Variants in MYH7 observed in about 807,000 individuals in gnomAD.
MYH7 encodes the protein myosin heavy chain 7.
A neutral mutation model predicts 225.4 loss-of-function variants in MYH7; 129 were observed. That is an observed-to-expected ratio of 0.57 (90% confidence interval 0.50 to 0.66). The LOEUF (loss-of-function observed/expected upper bound fraction) is 0.66. Ranked by LOEUF, MYH7 falls within the 30% of genes least tolerant of loss-of-function variation. The pLI is 0.00. For synonymous variants in MYH7, 971 were observed against 1,007.6 expected, an observed-to-expected ratio of 0.96 and a Z score of 0.69; for missense variants, 1,649 against 2,517.0, an observed-to-expected ratio of 0.66 and a Z score of 7.38.
In MYH7 at chr14:23,433,443, G is replaced by T; in HGVS notation, c.201+89C>A. 1 of 1,500,674 alleles carries T rather than the reference G, an allele frequency of 6.7e-7. No homozygotes were observed. The highest frequency in any genetic ancestry group is 9.2e-7 in the Non-Finnish European group (1 of 1,085,632). The allele number at this position is 1,500,674 out of a possible 1,614,324, so 93.0% of individuals were successfully genotyped here. On this transcript the variant is annotated intron_variant, in intron 3 of 39. Transcript: ENST00000355349. This position sits in a 1 kb window ranked among gnomAD's most constrained non-coding sequence, Gnocchi z 4.1. ...GGAGAATGGGACCATCCTCAGGTCT[G>T]CATGGGCATGGGGCATGGGTGTACC...
rs1206242158 is a variant in MYH7, at chr14:23,427,709, G to T, written c.1764C>A (p.Tyr588Ter). 1.2e-6 allele frequency: 2 copies of T among 1,614,228 alleles called. No homozygotes were observed. The highest frequency in any genetic ancestry group is 1.7e-5 in the Admixed American group (1 of 60,020). The change falls in exon 16 of 40, where the codon TAC becomes TAA. Residue 588 changes from tyrosine (Y) to a stop codon, truncating the protein, a stop_gained. Transcript: ENST00000355349. LOFTEE classifies it high-confidence loss of function. Reference protein sequence around the residue: ...SLIHYAGIVDYNIIGWLQKNK... With the variant: ...SLIHYAGIVD The stretch of plus-strand genomic sequence containing the variant: ...TCTTCTGCAGCCAGCCAATGATGTT[G>T]TAGTCCACGATGCCGGCATAGTGGA...
rs1436990490 is a variant in MYH7 at position 23,418,335 on chromosome 14, C to T, written c.4044G>A (p.Glu1348=). 1.5e-5 allele frequency: 25 copies of T among 1,613,850 alleles called. No homozygotes were observed. Among genetic ancestry groups the T allele is most frequent in the Non-Finnish European group, 1.9e-5 (23 of 1,180,056 alleles). The change falls in exon 30 of 40, where the codon GAG becomes GAA. Residue 1348 remains glutamate (E), a synonymous_variant. Coordinates refer to ENST00000355349, the MANE Select transcript of MYH7 (RefSeq NM_000257.4). ...HDCDLLREQY[E]EETEAKAELQ... ...GCTCGGCCTTGGCCTCCGTCTCCTCCTCGTACTGCTCCCGCAGCAGGTCGC... is the reference window on the plus strand; with the variant it reads ...GCTCGGCCTTGGCCTCCGTCTCCTCTTCGTACTGCTCCCGCAGCAGGTCGC...
In MYH7 at chr14:23,417,631, C is replaced by T. The variant is rs1381835227; in HGVS notation, c.4225G>A (p.Ala1409Thr). 1 of 1,613,028 alleles carries T rather than the reference C, an allele frequency of 6.2e-7. No homozygotes were observed. ...GTCTTCTCCAGCGAGGAGCACTTGG[C>T]ATTAACAGCCTCCACGGCCTCCTCA... ...EAEEAVEAVNAKCSSLEKTKH... is the reference protein window; with the variant it reads ...EAEEAVEAVNTKCSSLEKTKH... The change falls in exon 31 of 40, where the codon GCC becomes ACC. Residue 1409 changes from alanine to threonine, a missense_variant. Ala to Thr is a moderately conservative substitution (Grantham distance 58). Coordinates refer to ENST00000355349, the MANE Select transcript of MYH7 (RefSeq NM_000257.4).
chr14:23,417,398 T>C, intron 31 of MYH7, 80 bp from the exon 32 acceptor site: 1 of 1,611,638 alleles, frequency 6.2e-7, no homozygotes, highest in Non-Finnish European at 8.5e-7. Flanking sequence ...CTGCCTGGGC[T>C]CAGCCCTCCT....
At position 23,433,093 on chromosome 14, in the gene MYH7, C is replaced by T. The variant is rs1431719401; in HGVS notation, c.336G>A (p.Trp112Ter). ...LYNLKDRYGSWMIYTYSGLFC... is the reference protein window; with the variant it reads ...LYNLKDRYGS Reference sequence around the variant, plus strand: ...CAGGTGCAGCACTCACGTAGATCATCCAGGAGCCGTAGCGATCCTTGAGGT... The same window carrying T: ...CAGGTGCAGCACTCACGTAGATCATTCAGGAGCCGTAGCGATCCTTGAGGT... The change falls in exon 4 of 40, where the codon TGG (tryptophan) becomes TGA (stop). Residue 112 changes from tryptophan to a stop codon, truncating the protein, a stop_gained. Coordinates refer to ENST00000355349, the MANE Select transcript of MYH7 (RefSeq NM_000257.4). LOFTEE classifies it high-confidence loss of function. This position sits in a 1 kb window ranked among gnomAD's most constrained non-coding sequence, Gnocchi z 4.1. 4 of 1,614,110 alleles carry T rather than the reference C, an allele frequency of 2.5e-6. No individual in the cohort carries two copies. In the South Asian group the frequency reaches 4.4e-5, roughly 18 times the overall value.
rs1465065232 is a variant in MYH7 at position 23,426,804 on chromosome 14, T to C, written c.2017A>G (p.Ile673Val). ...RSTHPHFVRC[I>V]IPNETKSPGV... ...GGAGACTTTGTCTCATTAGGGATGA[T>C]ACAACGTACAAAGTGGGGATGGGTG... Residue 673 changes from isoleucine (I) to valine (V), a missense_variant, in exon 18 of 40, where the codon ATC (isoleucine) becomes GTC (valine). Around this residue, in one of 12 missense-constraint regions of MYH7, gnomAD observed 112 missense variants for 161.9 expected, o/e 0.69. Coordinates refer to ENST00000355349, the MANE Select transcript of MYH7 (RefSeq NM_000257.4). 3 of 1,614,132 alleles carry C rather than the reference T, an allele frequency of 1.9e-6. No individual in the cohort carries two copies. Among genetic ancestry groups the C allele is most frequent in the Non-Finnish European group, 2.5e-6 (3 of 1,180,028 alleles).
intron 37 of MYH7, 43 bp downstream of exon 37, chr14:23,414,952 G>A: frequency 1.2e-6 from 2 of 1,601,766 alleles, no homozygotes; most frequent in Admixed American, 1.7e-5. Context: ...TGTCACTGTG[G>A]CTATGGTGCC....
At chr14:23,432,595 C>A in intron 5 of MYH7, 44 bp downstream of exon 5, 2 of 1,614,186 alleles carry the variant, frequency 1.2e-6, no homozygotes, top group South Asian at 1.1e-5. Flanking sequence ...TCCCTCCCGG[C>A]CTATCCCAGT....
chr14:23,432,575 C>T, intron 5 of MYH7, 64 bp downstream of exon 5: 2 of 1,614,172 alleles, frequency 1.2e-6, no homozygotes, highest in Non-Finnish European at 1.7e-6. Context: ...TTCTCCCTTC[C>T]TTCTCCCTCT....
chr14:23,426,892 G>A, intron 17 of MYH7, 28 bp from the exon 18 acceptor site: 1 of 1,588,194 alleles, frequency 6.3e-7, no homozygotes, highest in Non-Finnish European at 8.6e-7. Context: ...ATAGAGAAAA[G>A]TAAAGAAAAT....
chr14:23,423,833 A>G, intron 23 of MYH7, 74 bp downstream of exon 23: 3 of 1,613,614 alleles, frequency 1.9e-6, no homozygotes, highest in Non-Finnish European at 2.5e-6. Context: ...CCGAGTGGCT[A>G]GCCTGGGTCA....
chr14:23,432,132 G>A (rs1595090018), intron 6 of MYH7, among the ~76,000 whole-genome samples: 3 of 152,186 alleles, frequency 2.0e-5, no homozygotes, highest in Non-Finnish European at 2.9e-5. Flanking sequence ...GATGGGCCTG[G>A]GCTGTTTTGG....
intron 1 of MYH7, 151 bp from the exon 2 acceptor site, chr14:23,434,400 TG>T (rs2138688544): frequency 2.8e-6 from 1 of 352,676 alleles, no homozygotes; most frequent in South Asian, 1.2e-4. Flanking sequence ...CCATCCTTCT[TG>T]TTTTTCAAAC....
At chr14:23,421,711 AC>A in intron 25 of MYH7, 8 of 981,022 alleles carry the variant, frequency 8.2e-6, no homozygotes, top group Middle Eastern at 5.2e-4. Context: ...AAGAACTTAC[AC>A]TAAGAATTGG....
At chr14:23,434,553 G>A (rs1893073256) in intron 1 of MYH7, among the ~76,000 whole-genome samples, 1 of 152,178 alleles carries the variant, frequency 6.6e-6, no homozygotes, top group South Asian at 2.1e-4. Context: ...AGCCATCTGA[G>A]AGACAACTAA....
Position 23,431,569 on chromosome 14 carries a change from G to A in MYH7, c.732+16C>T, listed in dbSNP as rs1892941256. ...CACCAGTCCAAGTCCCAAGGCCAAG[G>A]TCAGGGACCACTCACGAAGCGGGAG... On this transcript the variant is annotated intron_variant, in intron 8 of 39. Transcript: ENST00000355349. The A allele has an allele frequency of 6.2e-7, 1 of 1,614,082 alleles. No homozygotes were observed. Among genetic ancestry groups the A allele is most frequent in the Non-Finnish European group, 8.5e-7 (1 of 1,180,002 alleles).
At position 23,419,244 on chromosome 14, in the gene MYH7, G is replaced by A. The variant is rs1892362089; in HGVS notation, c.3905C>T (p.Thr1302Ile). 1.2e-6 allele frequency: 2 copies of A among 1,614,138 alleles called. No homozygotes were observed. The highest frequency in any genetic ancestry group is 1.7e-6 in the Non-Finnish European group (2 of 1,180,040). ...CTGGGTGTAGGTGAGCTTGCCTCGGGTCAGCTGGGAGATCAGTGCCTCCTT... is the reference window on the plus strand; with the variant it reads ...CTGGGTGTAGGTGAGCTTGCCTCGGATCAGCTGGGAGATCAGTGCCTCCTT... ...DEKEALISQL[T>I]RGKLTYTQQL... Residue 1302 changes from threonine to isoleucine, a missense_variant, in exon 29 of 40, where the codon ACC (threonine) becomes ATC (isoleucine). By Grantham distance (89) the Thr-to-Ile change is moderately conservative (BLOSUM62 -1). Transcript: ENST00000355349.
Position 23,425,785 on chromosome 14 carries a change from C to T in MYH7, c.2196G>A (p.Glu732=), listed in dbSNP as rs1465544124. The T allele has an allele frequency of 6.2e-7, 1 of 1,613,858 alleles. No homozygotes were observed. The highest frequency in any genetic ancestry group is 8.5e-7 in the Non-Finnish European group (1 of 1,179,870). Residue 732 remains glutamate (E), a synonymous_variant, in exon 20 of 40, where the codon GAG becomes GAA. Coordinates refer to ENST00000355349, the MANE Select transcript of MYH7 (RefSeq NM_000257.4). This position sits in a 1 kb window ranked among gnomAD's most constrained non-coding sequence, Gnocchi z 4.6. ...YRILNPAAIP[E]GQFIDSRKGA... The stretch of plus-strand genomic sequence containing the variant: ...CCTTCCTGCTATCAATGAACTGTCC[C>T]TCAGGGATGGCCGCTGGGTTCAGGA...
At position 23,431,770 on chromosome 14, in the gene MYH7, G is replaced by A. The variant is rs1892954758; in HGVS notation, c.630C>T (p.Ser210=). The A allele has an allele frequency of 8.1e-6, 13 of 1,614,254 alleles. No homozygotes were observed. The highest frequency in any genetic ancestry group is 1.0e-5 in the Non-Finnish European group (12 of 1,180,044). ...AIGDRSKKDQ[S]PGKGTLEDQI... ...AGGGCAGCAGGCCTACCTTGCCCGGGCTCTGGTCCTTCTTGCTGCGGTCCC... is the reference window on the plus strand; with the variant it reads ...AGGGCAGCAGGCCTACCTTGCCCGGACTCTGGTCCTTCTTGCTGCGGTCCC... Residue 210 remains serine (S), a synonymous_variant, in exon 7 of 40, where the codon AGC becomes AGT. Transcript: ENST00000355349.
Sources: gnomAD v4.1 joint callset for allele counts (sites outside exome capture counted in the v4.1 genomes callset) on GRCh38, gnomAD v4.1.1 for gene constraint, gnomAD v4.1.1 regional missense constraint, Gnocchi (gnomAD v3.1) non-coding constraint, MANE v1.5 for transcripts, NCBI Gene and HGNC (gene_info 2026-07-23, HGNC 2026-07-21) for gene names.